PNO1: variants seen among roughly 807,000 people sequenced by gnomAD.
PNO1 encodes the protein RNA-binding protein PNO1.
In PNO1, 16 loss-of-function variants were observed where a neutral mutation model predicts 28.4. That is an observed-to-expected ratio of 0.56 (90% confidence interval 0.38 to 0.85). The LOEUF (loss-of-function observed/expected upper bound fraction) is 0.85. PNO1 is among the 40% of genes least tolerant of loss of function. The pLI, the probability that PNO1 is intolerant of heterozygous loss-of-function variation, is 0.00. For synonymous variants in PNO1, 115 were observed against 110.8 expected (o/e 1.04, Z -0.24); for missense variants, 304 against 312.2 (o/e 0.97, Z 0.20).
At chr2:68,162,753 A>G in intron 5 of PNO1, 90 bp downstream of exon 5, 1 of 832,244 alleles carries the variant, frequency 1.2e-6, no homozygotes, top group Non-Finnish European at 2.1e-6. Flanking sequence ...TTTATGCATA[A>G]TGTTGCTGCT....
intron 3 of PNO1, 36 bp from the exon 4 acceptor site, chr2:68,162,229 G>T: frequency 6.6e-7 from 1 of 1,524,172 alleles, no homozygotes; most frequent in Non-Finnish European, 9.1e-7. Context: ...GTGTGCAAAT[G>T]GAAGGGGCTT....
intron 6 of PNO1, 75 bp from the exon 7 acceptor site, chr2:68,174,660 T>G (rs1674225609): frequency 2.1e-6 from 2 of 966,942 alleles, no homozygotes; most frequent in East Asian, 4.9e-5. Flanking sequence ...CAGTCTTCCT[T>G]AGACACTGAG....
intron 5 of PNO1, among the ~76,000 whole-genome samples, chr2:68,171,446 G>A (rs954821797): frequency 3.9e-5 from 6 of 152,194 alleles, no homozygotes; most frequent in East Asian, 3.9e-4. Flanking sequence ...AGTTGACTTC[G>A]GTCTGCACAG....
chr2:68,170,882 C>A (rs1157203482), intron 5 of PNO1, among the ~76,000 whole-genome samples: 2 of 151,150 alleles, frequency 1.3e-5, no homozygotes, highest in Non-Finnish European at 1.5e-5. Context: ...ATATTTTGTT[C>A]ATATACAGCC....
rs1157893526 is a variant in PNO1, at chr2:68,175,715, G to C, written c.*913G>C. The C allele has an allele frequency of 6.6e-6, 1 of 152,118 alleles. No individual in the cohort carries two copies. The highest frequency in any genetic ancestry group is 2.4e-5 in the African/African-American group (1 of 41,416). 9.4% of individuals were successfully genotyped at this position (152,118 alleles called of 1,614,324 possible). A position where few individuals can be genotyped will look rare whatever the true frequency, so the allele number is the denominator to read the frequency against. On this transcript the variant is annotated 3_prime_UTR_variant, in exon 7 of 7. Coordinates refer to ENST00000263657, the MANE Select transcript of PNO1 (RefSeq NM_020143.4). ...ACATCACAGGGTTAATGTGAAGAAA[G>C]CTTTATTTTTCAAATGAGTATTTAA...
rs1674260569 is a variant in PNO1, at chr2:68,175,677, A to C, written c.*875A>C. The C allele has an allele frequency of 6.6e-6, 1 of 151,744 alleles. No individual in the cohort carries two copies. Among genetic ancestry groups the C allele is most frequent in the Admixed American group, 6.6e-5 (1 of 15,256 alleles). The allele number at this position is 151,744 out of a possible 1,614,324, so 9.4% of individuals were successfully genotyped here. A position where few individuals can be genotyped will look rare whatever the true frequency, so the allele number is the denominator to read the frequency against. The stretch of plus-strand genomic sequence containing the variant: ...GTTTTGCAGTTTCTTGCAGTTTCAA[A>C]AATTAAAGACCTACATCACAGGGTT... On this transcript the variant is annotated 3_prime_UTR_variant, in exon 7 of 7. Coordinates refer to ENST00000263657, the MANE Select transcript of PNO1 (RefSeq NM_020143.4).
At chr2:68,173,037 T>C (rs1017207925) in intron 5 of PNO1, 1 of 230,666 alleles carries the variant, frequency 4.3e-6, no homozygotes, top group African/African-American at 2.3e-5. Context: ...CCAGCATTTT[T>C]GGAGTACAGG....
In PNO1 at chr2:68,157,890, A is replaced by C. The variant is rs372315555; in HGVS notation, c.-45A>C. ...GCTGAGGCTGGCTTCTGCGTGGTGC[A>C]GCTGCGCACGTGTTTCAGCCGGCAG... On this transcript the variant is annotated 5_prime_UTR_variant, in exon 1 of 7. Transcript: ENST00000263657. The C allele has an allele frequency of 2.1e-5, 33 of 1,561,492 alleles. No individual in the cohort carries two copies. The highest frequency in any genetic ancestry group is 2.8e-5 in the Non-Finnish European group (32 of 1,134,214).
At chr2:68,170,441 A>T (rs1674096884) in intron 5 of PNO1, among the ~76,000 whole-genome samples, 1 of 152,126 alleles carries the variant, frequency 6.6e-6, no homozygotes, top group Non-Finnish European at 1.5e-5. Context: ...TTAAACATAC[A>T]CATAGTTTTA....
At chr2:68,162,917 G>A (rs944838514) in intron 5 of PNO1, among the ~76,000 whole-genome samples, 1 of 152,088 alleles carries the variant, frequency 6.6e-6, no homozygotes, top group African/African-American at 2.4e-5. Context: ...CCTGCAGTTG[G>A]GCAAAGTCAT....
Position 68,173,434 on chromosome 2 carries a change from T to A in PNO1, c.691+17T>A. 1 of 1,505,150 alleles carries A rather than the reference T, an allele frequency of 6.6e-7. No homozygotes were observed. The highest frequency in any genetic ancestry group is 9.3e-7 in the Non-Finnish European group (1 of 1,080,994). 93.2% of individuals were successfully genotyped at this position (1,505,150 alleles called of 1,614,324 possible). A position where few individuals can be genotyped will look rare whatever the true frequency, so the allele number is the denominator to read the frequency against. ...TAATCTTGGGTAATAGCAGTTTCTT[T>A]CTTTGGTGTTTTCTCTGGGAGGGAT... On this transcript the variant is annotated intron_variant, in intron 6 of 6. Transcript: ENST00000263657.
Position 68,162,117 on chromosome 2 carries a change from C to T in PNO1, c.442-148C>T, listed in dbSNP as rs184048423. On this transcript the variant is annotated intron_variant, in intron 3 of 6. Transcript: ENST00000263657. ...TCACGCCACTGCACTCCAGCCTGGG[C>T]GACAGCGTAAGACTCTGTCTCCAAG... 1.6e-3 allele frequency: 998 copies of T among 607,072 alleles called. 4 individuals are homozygous for T. Among genetic ancestry groups the T allele is most frequent in the Non-Finnish European group, 3.7e-4 (130 of 347,080 alleles). The allele number at this position is 607,072 out of a possible 1,614,324, so 37.6% of individuals were successfully genotyped here.
intron 5 of PNO1, among the ~76,000 whole-genome samples, chr2:68,165,386 A>C (rs13020700): frequency 0.34 from 28,404 of 83,784 alleles, 4,840 homozygotes; most frequent in African/African-American, 0.42. Context: ...AAAACAACAA[A>C]AAAAAAAAAA....
intron 5 of PNO1, among the ~76,000 whole-genome samples, chr2:68,165,377 A>AAAAC (rs1553401401): frequency 0.3 from 18,676 of 61,360 alleles, 2,371 homozygotes; most frequent in African/African-American, 0.34. Context: ...AAAAAAAAAA[A>AAAAC]AACAACAAAA....
intron 3 of PNO1, 85 bp downstream of exon 3, chr2:68,161,851 A>G (rs1673839716): frequency 2.2e-6 from 2 of 918,848 alleles, no homozygotes; most frequent in Non-Finnish European, 1.7e-6. Context: ...AAAAAAAAAA[A>G]AGGCCAGGCA....
chr2:68,170,066 A>G (rs1017692946), intron 5 of PNO1, among the ~76,000 whole-genome samples: 2 of 152,176 alleles, frequency 1.3e-5, no homozygotes, highest in Non-Finnish European at 2.9e-5. Context: ...GAGATGTACT[A>G]TCTCTTGCTT....
At chr2:68,158,662 TGA>T (rs1673744386) in intron 2 of PNO1, 133 bp downstream of exon 2, 1 of 732,886 alleles carries the variant, frequency 1.4e-6, no homozygotes, top group African/African-American at 1.8e-5. Context: ...TTTACCATAT[TGA>T]GTTTGAACTT....
intron 1 of PNO1, 95 bp downstream of exon 1, chr2:68,158,236 G>C (rs1402305556): frequency 7.1e-7 from 1 of 1,403,834 alleles, no homozygotes; most frequent in Non-Finnish European, 9.7e-7. Context: ...CGGTGGGGCT[G>C]TTCTGCCGTG....
At chr2:68,173,523 G>T in intron 6 of PNO1, 106 bp downstream of exon 6, 1 of 678,298 alleles carries the variant, frequency 1.5e-6, no homozygotes. Context: ...ATTAAAGATC[G>T]CAAGTAGAAA....
Sources: gnomAD v4.1 joint callset for allele counts (sites outside exome capture counted in the v4.1 genomes callset) on GRCh38, gnomAD v4.1.1 for gene constraint, MANE v1.5 for transcripts, NCBI Gene and HGNC (gene_info 2026-07-23, HGNC 2026-07-21) for gene names.